SMARCC1: variants seen among roughly 807,000 people sequenced by gnomAD.
The protein encoded by SMARCC1 is SWI/SNF related BAF chromatin remodeling complex subunit C1, also known as SWI/SNF complex subunit SMARCC1.
Under a neutral mutation model 147.4 loss-of-function variants are expected in SMARCC1, and 43 were observed. The observed-to-expected ratio is 0.29, with a 90% CI of 0.23 to 0.38. The LOEUF (loss-of-function observed/expected upper bound fraction) is 0.38. SMARCC1 is among the 10% of genes least tolerant of loss of function. The pLI, the probability that SMARCC1 is intolerant of heterozygous loss-of-function variation, is 1.00. For missense variants in SMARCC1, 1,119 were observed against 1,381.1 expected, an observed-to-expected ratio of 0.81 and a Z score of 3.01; for synonymous variants, 495 against 484.4, an observed-to-expected ratio of 1.02 and a Z score of -0.29.
chr3:47,748,873 G>C (rs1412266339), intron 2 of SMARCC1, among the ~76,000 whole-genome samples: 1 of 152,094 alleles, frequency 6.6e-6, no homozygotes, highest in African/African-American at 2.4e-5. Flanking sequence ...GAAAGTTATT[G>C]TTTAATAGAT....
intron 25 of SMARCC1, among the ~76,000 whole-genome samples, chr3:47,617,948 T>TA (rs1409409576): frequency 6.6e-6 from 1 of 152,196 alleles, no homozygotes; most frequent in Admixed American, 6.5e-5. Flanking sequence ...TTCATACTCT[T>TA]ACTTTTTTAA....
chr3:47,751,694 T>C (rs971081302), intron 2 of SMARCC1, among the ~76,000 whole-genome samples: 1 of 152,000 alleles, frequency 6.6e-6, no homozygotes. Context: ...CAGGGAGACC[T>C]TGTCTATATT....
At chr3:47,735,138 C>A (rs913008502) in intron 5 of SMARCC1, among the ~76,000 whole-genome samples, 2 of 151,878 alleles carry the variant, frequency 1.3e-5, no homozygotes, top group Non-Finnish European at 2.9e-5. Context: ...GAAAGTAATA[C>A]TTCATTTCTT....
chr3:47,702,321 T>C (rs1412621208), intron 10 of SMARCC1, among the ~76,000 whole-genome samples: 1 of 150,872 alleles, frequency 6.6e-6, no homozygotes, highest in Non-Finnish European at 1.5e-5. Flanking sequence ...ATAACATGAT[T>C]CATACAGAGA....
Position 47,586,582 on chromosome 3 carries a change from T to C in SMARCC1, c.*1627A>G, listed in dbSNP as rs944469503. 6.5e-6 allele frequency: 1 copy of C among 152,690 alleles called. No individual in the cohort carries two copies. 9.5% of individuals were successfully genotyped at this position (152,690 alleles called of 1,614,324 possible). A position where few individuals can be genotyped will look rare whatever the true frequency, so the allele number is the denominator to read the frequency against. ...AGGCAAATCTCAATTGTGGTTTTAT[T>C]TTTTTGCTTTCTGATATTAAGGAAA... On this transcript the variant is annotated 3_prime_UTR_variant, in exon 28 of 28. Coordinates refer to ENST00000254480, the MANE Select transcript of SMARCC1 (RefSeq NM_003074.4).
At chr3:47,608,571 T>A (rs1462647278) in intron 26 of SMARCC1, among the ~76,000 whole-genome samples, 1 of 151,918 alleles carries the variant, frequency 6.6e-6, no homozygotes, top group Non-Finnish European at 1.5e-5. Context: ...TGTCTGGGTG[T>A]GGTAGAGCTC....
intron 24 of SMARCC1, among the ~76,000 whole-genome samples, 169 bp from the exon 25 acceptor site, chr3:47,622,510 T>C (rs981056831): frequency 6.6e-6 from 1 of 152,204 alleles, no homozygotes; most frequent in Non-Finnish European, 1.5e-5. Flanking sequence ...CTGGTCCTTA[T>C]AGAGATAAAT....
chr3:47,723,355 G>GTTTTTTTTT (rs71070218), intron 6 of SMARCC1, among the ~76,000 whole-genome samples: 3 of 106,676 alleles, frequency 2.8e-5, no homozygotes, highest in African/African-American at 7.0e-5. Context: ...TTTTTGTTGG[G>GTTTTTTTTT]TTTTTTTTTT....
At position 47,710,707 on chromosome 3, in the gene SMARCC1, C is replaced by T. The variant is rs898686217; in HGVS notation, c.894G>A (p.Gln298=). Reference sequence around the variant, plus strand: ...CCTCTTCATTCTTGGTTGAAATCCGCTGACGAAAACTCACAGGCTTCCTAT... The same window carrying T: ...CCTCTTCATTCTTGGTTGAAATCCGTTGACGAAAACTCACAGGCTTCCTAT... ...DENRKPVSFR[Q]RISTKNEEPV... The change falls in exon 9 of 28, where the codon CAG becomes CAA. Residue 298 remains glutamine (Q), a synonymous_variant. Coordinates refer to ENST00000254480, the MANE Select transcript of SMARCC1 (RefSeq NM_003074.4). 6.2e-7 allele frequency: 1 copy of T among 1,613,662 alleles called. No individual in the cohort carries two copies. Among genetic ancestry groups the T allele is most frequent in the Non-Finnish European group, 8.5e-7 (1 of 1,179,868 alleles).
chr3:47,653,388 T>C (rs928693175), intron 21 of SMARCC1, among the ~76,000 whole-genome samples: 1 of 152,238 alleles, frequency 6.6e-6, no homozygotes, highest in Non-Finnish European at 1.5e-5. Context: ...ATTTTCCCTA[T>C]AGTATGATTT....
intron 11 of SMARCC1, among the ~76,000 whole-genome samples, chr3:47,698,722 A>G (rs1003500978): frequency 1.3e-5 from 2 of 152,120 alleles, no homozygotes; most frequent in Non-Finnish European, 2.9e-5. Context: ...TACATGGAAA[A>G]CCTAAGAGCT....
chr3:47,676,669 G>A lies in SMARCC1; in HGVS notation c.1685C>T (p.Thr562Ile). 4 of 1,613,796 alleles carry A rather than the reference G, an allele frequency of 2.5e-6. No homozygotes were observed. Among genetic ancestry groups the A allele is most frequent in the South Asian group, 1.1e-5 (1 of 91,074 alleles). The change falls in exon 17 of 28, where the codon ACC (threonine) becomes ATC (isoleucine). Residue 562 changes from threonine (T) to isoleucine (I), a missense_variant. Transcript: ENST00000254480. ...ATGCAGAGGCACAAGCCCAGAGGGG[G>A]TATCAGCTAATACATTAAAATGAGG... Reference protein sequence around the residue: ...PTPHFNVLADTPSGLVPLHLR... With the variant: ...PTPHFNVLADIPSGLVPLHLR...
chr3:47,635,278 C>T lies in SMARCC1; in HGVS notation c.2558G>A (p.Gly853Glu). The T allele has an allele frequency of 6.2e-7, 1 of 1,612,960 alleles. No individual in the cohort carries two copies. The stretch of plus-strand genomic sequence containing the variant: ...AATTTCATGTTCTACTTTCTTCTTC[C>T]CAGTATCACTTTCTCTTTCTTTACA... ...DTCKERESDT[G>E]KKKVEHEISE... Residue 853 changes from glycine to glutamate, a missense_variant, in exon 24 of 28, where the codon GGG becomes GAG. By Grantham distance (98) the Gly-to-Glu change is moderately conservative. Around this residue, in one of 6 missense-constraint regions of SMARCC1, gnomAD observed 157 missense variants for 158.6 expected, o/e 0.99. Transcript: ENST00000254480.
rs546311474 is a variant in SMARCC1, at chr3:47,779,858, G to A, written c.195+1745C>T. On this transcript the variant is annotated intron_variant, in intron 1 of 27. Transcript: ENST00000254480. ...CACTGAATTTAAGACCCAAAGCATT[G>A]GCTAAAAGGAATGTAATAAAGAAGA... Among the ~76,000 whole-genome samples the A allele has an allele frequency of 3.3e-5, 5 of 152,090 alleles. No homozygotes were observed. The South Asian group carries it at 1.0e-3, about 32-fold the overall frequency.
At chr3:47,648,423 G>GT (rs1251816933) in intron 21 of SMARCC1, among the ~76,000 whole-genome samples, 2 of 151,978 alleles carry the variant, frequency 1.3e-5, no homozygotes, top group East Asian at 3.9e-4. Flanking sequence ...GTCTTGTTCT[G>GT]TCACCCAGGC....
At chr3:47,723,892 G>A (rs538426659) in intron 6 of SMARCC1, among the ~76,000 whole-genome samples, 28 of 152,156 alleles carry the variant, frequency 1.8e-4, no homozygotes, top group African/African-American at 5.8e-4. Context: ...ATATACAAAT[G>A]ACCAATAAGC....
intron 19 of SMARCC1, chr3:47,663,802 C>A: frequency 1.3e-6 from 2 of 1,581,962 alleles, no homozygotes; most frequent in Non-Finnish European, 1.7e-6. Flanking sequence ...TCACCTACAG[C>A]CTCTATTCCT....
chr3:47,629,324 A>T (rs1311914291), intron 24 of SMARCC1, among the ~76,000 whole-genome samples: 1 of 152,248 alleles, frequency 6.6e-6, no homozygotes, highest in Non-Finnish European at 1.5e-5. Context: ...CGAGACCTCC[A>T]ACCTCAGCTT....
At chr3:47,640,937 C>T (rs994760787) in intron 21 of SMARCC1, among the ~76,000 whole-genome samples, 1 of 152,076 alleles carries the variant, frequency 6.6e-6, no homozygotes, top group African/African-American at 2.4e-5. Context: ...CTCTACAAAC[C>T]TATTTAATTA....
Sources: allele counts gnomAD v4.1 joint callset (sites outside exome capture counted in the v4.1 genomes callset), GRCh38; gene constraint gnomAD v4.1.1; regional missense constraint gnomAD v4.1.1; transcripts MANE v1.5; gene names NCBI Gene and HGNC (gene_info 2026-07-23, HGNC 2026-07-21).